The following PIGU variants were observed in gnomAD, a reference collection of about 807,000 sequenced individuals.
PIGU encodes phosphatidylinositol glycan anchor biosynthesis class U.
In PIGU, 24 loss-of-function variants were observed where a neutral mutation model predicts 49.9. The ratio of observed to expected loss-of-function variants is 0.48; its 90% CI spans 0.35 to 0.68. PIGU has a LOEUF of 0.68. PIGU is among the 30% of genes least tolerant of loss of function. PIGU has a pLI of 0.01. For synonymous variants in PIGU, 220 were observed against 205.7 expected, an observed-to-expected ratio of 1.07 and a Z score of -0.59; for missense variants, 490 against 532.6, an observed-to-expected ratio of 0.92 and a Z score of 0.79.
intron 7 of PIGU, among the ~76,000 whole-genome samples, chr20:34,613,766 G>A (rs1261030952): frequency 6.6e-6 from 1 of 152,154 alleles, no homozygotes; most frequent in Admixed American, 6.5e-5. Context: ...GAAAATCAAA[G>A]CAAAATAACT....
intron 11 of PIGU, chr20:34,562,270 C>T (rs574523448): frequency 8.6e-5 from 28 of 327,260 alleles, no homozygotes; most frequent in African/African-American, 4.0e-4. Flanking sequence ...CTACAGACAC[C>T]GCAGCTCTCA....
chr20:34,649,995 C>T (rs1257161432), intron 2 of PIGU, among the ~76,000 whole-genome samples: 3 of 151,766 alleles, frequency 2.0e-5, no homozygotes, highest in African/African-American at 7.3e-5. Flanking sequence ...ACTACAGGCG[C>T]CCGCCACCAT....
chr20:34,592,749 G>T (rs1600608731), intron 7 of PIGU, among the ~76,000 whole-genome samples: 1 of 152,148 alleles, frequency 6.6e-6, no homozygotes, highest in Non-Finnish European at 1.5e-5. Context: ...GAATATATTG[G>T]ATAATGTTAT....
rs1479381603 is a variant in PIGU at position 34,655,515 on chromosome 20, C to CA, written c.195+1664dup. Among the ~76,000 whole-genome samples, 38 of 116,758 alleles carry CA rather than the reference C, an allele frequency of 3.3e-4. 8 individuals are homozygous for CA. Among genetic ancestry groups the CA allele is most frequent in the African/African-American group, 1.1e-3 (35 of 31,682 alleles). 76.6% of individuals were successfully genotyped at this position (116,758 alleles called of 152,430 possible). ...TGAAACCCCGTCTCTACTAAAAACA[C>CA]AAAAAAAAATTAGCCAGGCATAGTC... On this transcript the variant is annotated intron_variant, in intron 2 of 11. Transcript: ENST00000217446.
At chr20:34,676,752 C>G (rs1384340448) in intron 1 of PIGU, among the ~76,000 whole-genome samples, 1 of 152,118 alleles carries the variant, frequency 6.6e-6, no homozygotes, top group Non-Finnish European at 1.5e-5. Flanking sequence ...CCAAACCTCA[C>G]GACACTGTCC....
At chr20:34,632,413 T>C (rs184282407) in intron 6 of PIGU, among the ~76,000 whole-genome samples, 8 of 151,328 alleles carry the variant, frequency 5.3e-5, no homozygotes, top group African/African-American at 1.7e-4. Flanking sequence ...CTGTCGCCCA[T>C]GCTGGAGTGC....
chr20:34,638,281 C>T (rs1167567979), intron 4 of PIGU, among the ~76,000 whole-genome samples: 4 of 152,186 alleles, frequency 2.6e-5, no homozygotes, highest in African/African-American at 9.7e-5. Context: ...ATCATCATTT[C>T]CTTAGGAAGG....
chr20:34,648,585 G>A (rs1262362904), intron 2 of PIGU, among the ~76,000 whole-genome samples: 3 of 152,050 alleles, frequency 2.0e-5, no homozygotes, highest in African/African-American at 7.2e-5. Context: ...GTCTCACTCT[G>A]TCGGCCAGGC....
chr20:34,657,993 T>C (rs996267183), intron 1 of PIGU, among the ~76,000 whole-genome samples: 7 of 147,362 alleles, frequency 4.8e-5, no homozygotes, highest in African/African-American at 1.9e-4. Context: ...CTCCCTCTCT[T>C]TCCACGGTCT....
Position 34,647,014 on chromosome 20 carries a change from T to C in PIGU, c.196-1680A>G, listed in dbSNP as rs898710779. ...TAATTTTTTTTGTTATTTATATATT[T>C]ATTTTGAGGCAGAGTTTCGCTCTTG... is the stretch of plus-strand genomic sequence containing the variant. On this transcript the variant is annotated intron_variant, in intron 2 of 11. Coordinates refer to ENST00000217446, the MANE Select transcript of PIGU (RefSeq NM_080476.5). Among the ~76,000 whole-genome samples the C allele has an allele frequency of 2.0e-5, 3 of 152,064 alleles. No individual in the cohort carries two copies. The East Asian group carries it at 5.8e-4, about 30-fold the overall frequency.
chr20:34,562,605 A>G, intron 11 of PIGU: 1 of 1,260,438 alleles, frequency 7.9e-7, no homozygotes, highest in Non-Finnish European at 1.0e-6. Flanking sequence ...CAGATGGGGA[A>G]ACTGAGACTC....
intron 5 of PIGU, among the ~76,000 whole-genome samples, chr20:34,636,875 AC>A (rs1262512307): frequency 1.3e-5 from 2 of 152,212 alleles, no homozygotes; most frequent in Non-Finnish European, 1.5e-5. Context: ...GCAATTACAG[AC>A]AGGCTTGTTA....
intron 6 of PIGU, among the ~76,000 whole-genome samples, chr20:34,633,324 C>T (rs917713687): frequency 1.3e-5 from 2 of 151,958 alleles, no homozygotes; most frequent in African/African-American, 4.8e-5. Context: ...ATTAGCCAGG[C>T]ATGATGGAGG....
chr20:34,581,431 T>A (rs761577871), intron 10 of PIGU, 117 bp downstream of exon 10: 20 of 1,384,364 alleles, frequency 1.4e-5, no homozygotes, highest in African/African-American at 2.9e-5. Flanking sequence ...TCTGCTCCCC[T>A]CCTAGTGCTG....
chr20:34,620,197 C>T (rs1238379853), intron 6 of PIGU, among the ~76,000 whole-genome samples: 1 of 152,236 alleles, frequency 6.6e-6, no homozygotes, highest in Non-Finnish European at 1.5e-5. Context: ...CAAGACCCTT[C>T]ACCACTGGGT....
intron 7 of PIGU, among the ~76,000 whole-genome samples, chr20:34,601,564 A>G (rs1276151674): frequency 1.3e-5 from 2 of 152,162 alleles, no homozygotes; most frequent in Non-Finnish European, 2.9e-5. Flanking sequence ...GGGCCAGGGG[A>G]AAGAACACCC....
chr20:34,668,693 C>T (rs1017905268), intron 1 of PIGU, among the ~76,000 whole-genome samples: 1 of 143,894 alleles, frequency 6.9e-6, no homozygotes, highest in Admixed American at 7.1e-5. Context: ...GGCATGAAAC[C>T]GGAAGGCGGA....
At chr20:34,644,278 T>A in intron 3 of PIGU, 52 bp from the exon 4 acceptor site, 1 of 1,446,366 alleles carries the variant, frequency 6.9e-7, no homozygotes, top group East Asian at 2.3e-5. Context: ...AGTGTAAGAG[T>A]ACTAGAGTGC....
At chr20:34,570,659 A>C (rs1982970328) in intron 11 of PIGU, among the ~76,000 whole-genome samples, 1 of 152,120 alleles carries the variant, frequency 6.6e-6, no homozygotes, top group Non-Finnish European at 1.5e-5. Context: ...ATGATCCCAA[A>C]GTGCTGGAAT....
Sources: gnomAD v4.1 joint callset for allele counts (sites outside exome capture counted in the v4.1 genomes callset) on GRCh38, gnomAD v4.1.1 for gene constraint, MANE v1.5 for transcripts, NCBI Gene and HGNC (gene_info 2026-07-23, HGNC 2026-07-21) for gene names.